The following FMN1 variants were observed in gnomAD, a reference collection of about 807,000 sequenced individuals.
FMN1 encodes formin 1.
In FMN1, 110 loss-of-function variants were observed where a neutral mutation model predicts 132.4. The observed-to-expected ratio is 0.83, with a 90% CI of 0.71 to 0.97. The LOEUF (loss-of-function observed/expected upper bound fraction) is 0.97. Among genes scored for constraint, FMN1 ranks in the 50% least tolerant of loss-of-function variants. The probability of loss-of-function intolerance (pLI) is 0.00; values close to 1 mark genes in which losing one functional copy is unlikely to be tolerated. For synonymous variants in FMN1, 722 were observed against 651.7 expected, an observed-to-expected ratio of 1.11 and a Z score of -1.64; for missense variants, 1,792 against 1,705.3, an observed-to-expected ratio of 1.05 and a Z score of -0.90.
chr15:33,157,701 G>A (rs12903814), intron 3 of FMN1, among the ~76,000 whole-genome samples: 8,410 of 151,918 alleles, frequency 0.055, 314 homozygotes, highest in Non-Finnish European at 0.069. Context: ...CTATTTTAAC[G>A]CTCACGGAGG....
intron 5 of FMN1, among the ~76,000 whole-genome samples, chr15:33,081,132 C>T (rs908658326): frequency 2.0e-5 from 3 of 152,144 alleles, no homozygotes; most frequent in South Asian, 2.1e-4. Context: ...CCTTGCATTT[C>T]GCTTGGAAAC....
At position 33,040,947 on chromosome 15, in the gene FMN1, G is replaced by A. The variant is rs191441266; in HGVS notation, c.2161+24010C>T. Among the ~76,000 whole-genome samples the A allele has an allele frequency of 9.0e-4, 137 of 152,266 alleles. 2 individuals carry two copies. Among genetic ancestry groups the A allele is most frequent in the Non-Finnish European group, 5.9e-5 (4 of 68,006 alleles). On this transcript the variant is annotated intron_variant, in intron 6 of 20. Transcript: ENST00000616417. The stretch of plus-strand genomic sequence containing the variant: ...CTTTGGTACTTAAAATACAGAAAAT[G>A]TCTCCAGTTTCCTTTAGTTCGCCTT...
intron 17 of FMN1, among the ~76,000 whole-genome samples, chr15:32,850,822 T>A (rs1200514346): frequency 6.6e-6 from 1 of 152,232 alleles, no homozygotes; most frequent in South Asian, 2.1e-4. Context: ...TTCTTTTTTT[T>A]AACTTTTATT....
intron 6 of FMN1, among the ~76,000 whole-genome samples, chr15:33,015,751 T>G (rs1240292216): frequency 1.3e-5 from 2 of 152,220 alleles, no homozygotes; most frequent in Non-Finnish European, 2.9e-5. Flanking sequence ...CGATACTCAA[T>G]CAGTGCTTCC....
chr15:33,101,440 T>G (rs1375999163), intron 4 of FMN1, among the ~76,000 whole-genome samples: 3 of 151,372 alleles, frequency 2.0e-5, no homozygotes, highest in Admixed American at 6.6e-5. Flanking sequence ...ACACTAACAC[T>G]AACAATAGCT....
chr15:33,145,813 G>C (rs1174864512), intron 4 of FMN1, among the ~76,000 whole-genome samples: 1 of 151,764 alleles, frequency 6.6e-6, no homozygotes, highest in Admixed American at 6.6e-5. Context: ...AATTCCTCTG[G>C]GCTCACCTGG....
chr15:32,867,019 G>A (rs932186660), intron 16 of FMN1, among the ~76,000 whole-genome samples: 8 of 152,074 alleles, frequency 5.3e-5, no homozygotes, highest in African/African-American at 1.9e-4. Flanking sequence ...ATGTCATCCA[G>A]GTAAACATTT....
At chr15:32,968,149 T>C (rs2031418805) in intron 8 of FMN1, among the ~76,000 whole-genome samples, 2 of 152,238 alleles carry the variant, frequency 1.3e-5, no homozygotes, top group African/African-American at 4.8e-5. Flanking sequence ...TGAGAGTACT[T>C]AGCAGTTAAA....
intron 6 of FMN1, among the ~76,000 whole-genome samples, chr15:33,030,275 G>A (rs541580472): frequency 6.6e-6 from 1 of 152,340 alleles, no homozygotes; most frequent in South Asian, 2.1e-4. Flanking sequence ...GTGAGGAGAG[G>A]CCGGAATTTG....
At position 33,008,047 on chromosome 15, in the gene FMN1, C is replaced by G. The variant is rs368005630; in HGVS notation, c.2190G>C (p.Lys730Asn). 2 of 1,600,734 alleles carry G rather than the reference C, an allele frequency of 1.2e-6. No homozygotes were observed. The highest frequency in any genetic ancestry group is 1.7e-6 in the Non-Finnish European group (2 of 1,172,942). ...TTTCAATTTCTTCTTTGTGCTCCCTCTTCAAGTGTAAAATAGCAGCTTGGT... is the reference window on the plus strand; with the variant it reads ...TTTCAATTTCTTCTTTGTGCTCCCTGTTCAAGTGTAAAATAGCAGCTTGGT... ...AEYQAAILHL[K>N]REHKEEIENL... Residue 730 changes from lysine (K) to asparagine (N), a missense_variant, in exon 7 of 21, where the codon AAG (lysine) becomes AAC (asparagine). By Grantham distance (94) the Lys-to-Asn change is moderately conservative. Around this residue, in one of 3 missense-constraint regions of FMN1, gnomAD observed 1,150 missense variants for 1,043.1 expected, o/e 1.10. Coordinates refer to ENST00000616417, the MANE Select transcript of FMN1 (RefSeq NM_001277313.2).
At chr15:32,780,564 C>T (rs1234630427) in intron 19 of FMN1, among the ~76,000 whole-genome samples, 1 of 152,166 alleles carries the variant, frequency 6.6e-6, no homozygotes, top group Non-Finnish European at 1.5e-5. Flanking sequence ...ATGGAGTAGC[C>T]ATTCTTTTAT....
intron 17 of FMN1, among the ~76,000 whole-genome samples, chr15:32,809,022 T>C (rs947370998): frequency 6.6e-6 from 1 of 151,782 alleles, no homozygotes; most frequent in Non-Finnish European, 1.5e-5. Context: ...CTGTTTCAGC[T>C]CATTTTGTTT....
intron 18 of FMN1, 84 bp downstream of exon 18, chr15:32,804,197 T>G: frequency 2.0e-6 from 2 of 988,084 alleles, no homozygotes; most frequent in Non-Finnish European, 3.1e-6. Context: ...TAGAACTGCA[T>G]AGCAAAATGA....
chr15:33,127,927 G>A (rs12904360), intron 4 of FMN1, among the ~76,000 whole-genome samples: 32 of 133,160 alleles, frequency 2.4e-4, no homozygotes, highest in Middle Eastern at 3.9e-3. Flanking sequence ...GATGGAAATA[G>A]AAGAAGAGGC....
chr15:33,017,194 A>G (rs2035102530), intron 6 of FMN1, among the ~76,000 whole-genome samples: 3 of 152,108 alleles, frequency 2.0e-5, no homozygotes, highest in African/African-American at 7.2e-5. Context: ...CAGTGGAGCG[A>G]CAGGGGGTTT....
At chr15:33,118,839 T>C (rs1338361155) in intron 4 of FMN1, among the ~76,000 whole-genome samples, 1 of 151,626 alleles carries the variant, frequency 6.6e-6, no homozygotes, top group Non-Finnish European at 1.5e-5. Flanking sequence ...AAACAATTTC[T>C]AGTCACATTC....
intron 6 of FMN1, among the ~76,000 whole-genome samples, chr15:33,019,991 AGAGC>A (rs2035330403): frequency 1.3e-5 from 2 of 152,222 alleles, no homozygotes; most frequent in Admixed American, 6.5e-5. Context: ...GGAGGCACCG[AGAGC>A]GAGCGAGGGC....
chr15:32,929,179 G>A (rs549598866), intron 9 of FMN1, among the ~76,000 whole-genome samples: 1 of 152,290 alleles, frequency 6.6e-6, no homozygotes, highest in African/African-American at 2.4e-5. Flanking sequence ...CTAAGCAGTG[G>A]TGAAGTTGGA....
At chr15:33,059,415 G>A (rs2037381345) in intron 6 of FMN1, among the ~76,000 whole-genome samples, 1 of 152,144 alleles carries the variant, frequency 6.6e-6, no homozygotes, top group African/African-American at 2.4e-5. Flanking sequence ...ATGCCCAGAA[G>A]TGTGATTACT....
Sources: gnomAD v4.1 joint callset for allele counts (sites outside exome capture counted in the v4.1 genomes callset) on GRCh38, gnomAD v4.1.1 for gene constraint, gnomAD v4.1.1 regional missense constraint, MANE v1.5 for transcripts, NCBI Gene and HGNC (gene_info 2026-07-23, HGNC 2026-07-21) for gene names.